ATG5: variants seen among roughly 807,000 people sequenced by gnomAD.
ATG5 encodes the protein autophagy related 5, also known as autophagy protein 5.
In ATG5, 14 loss-of-function variants were observed where a neutral mutation model predicts 36.5. That is an observed-to-expected ratio of 0.38 (90% confidence interval 0.25 to 0.60). The LOEUF is 0.60. Among genes scored for constraint, ATG5 ranks in the 20% least tolerant of loss-of-function variants. The pLI is 0.60. For missense variants in ATG5, 195 were observed against 326.7 expected, an observed-to-expected ratio of 0.60 and a Z score of 3.11; for synonymous variants, 95 against 101.5, an observed-to-expected ratio of 0.94 and a Z score of 0.38.
chr6:106,270,919 A>C (rs1246855421), intron 5 of ATG5, among the ~76,000 whole-genome samples: 1 of 152,046 alleles, frequency 6.6e-6, no homozygotes, highest in East Asian at 1.9e-4. Flanking sequence ...CTACCTCTAA[A>C]ATAAGCCCCA....
In ATG5 at chr6:106,272,582, C is replaced by T. The variant is rs533053720; in HGVS notation, c.478+7079G>A. Among the ~76,000 whole-genome samples the T allele has an allele frequency of 3.9e-5, 6 of 152,316 alleles. No homozygotes were observed. In the South Asian group the frequency reaches 1.2e-3, roughly 32 times the overall value. ...GCCCTTCCTCCTTCCTCTACAACTC[C>T]AGTTATAAATGTAACAATTACGTAA... is the stretch of plus-strand genomic sequence containing the variant. On this transcript the variant is annotated intron_variant, in intron 5 of 7. Transcript: ENST00000369076.
At chr6:106,187,220 A>G (rs1775811275) in intron 7 of ATG5, among the ~76,000 whole-genome samples, 3 of 152,210 alleles carry the variant, frequency 2.0e-5, no homozygotes, top group Admixed American at 2.0e-4. Context: ...TACTATTTGA[A>G]TAACAGTTAA....
chr6:106,302,420 CA>C (rs1156459144), intron 3 of ATG5, among the ~76,000 whole-genome samples: 1 of 151,810 alleles, frequency 6.6e-6, no homozygotes, highest in Non-Finnish European at 1.5e-5. Flanking sequence ...TTCTTGAGGA[CA>C]ATAACAATGT....
At chr6:106,218,366 C>T (rs1301509734) in intron 6 of ATG5, among the ~76,000 whole-genome samples, 3 of 152,122 alleles carry the variant, frequency 2.0e-5, no homozygotes, top group Non-Finnish European at 4.4e-5. Flanking sequence ...CCCCAGAAAT[C>T]ATAGTTAAAT....
chr6:106,245,664 T>G (rs1433702537), intron 6 of ATG5, among the ~76,000 whole-genome samples: 3 of 152,188 alleles, frequency 2.0e-5, no homozygotes, highest in Admixed American at 2.0e-4. Context: ...TCTATTAGGA[T>G]TCTGCAAAGT....
At chr6:106,266,824 A>G (rs1387663564) in intron 5 of ATG5, among the ~76,000 whole-genome samples, 1 of 152,238 alleles carries the variant, frequency 6.6e-6, no homozygotes, top group African/African-American at 2.4e-5. Context: ...AAAACTCTCA[A>G]TAAGCTAGGT....
chr6:106,311,163 T>C, intron 2 of ATG5, among the ~76,000 whole-genome samples: 1 of 152,186 alleles, frequency 6.6e-6, no homozygotes, highest in Non-Finnish European at 1.5e-5. Context: ...CATACTAGAA[T>C]TCTGTTCCAC....
intron 7 of ATG5, 84 bp from the exon 8 acceptor site, chr6:106,186,760 T>C (rs1394167368): frequency 6.9e-7 from 1 of 1,447,210 alleles, no homozygotes; most frequent in East Asian, 2.3e-5. Flanking sequence ...GAATCCTTAG[T>C]GCATTAAATG....
At chr6:106,203,190 T>G (rs535276213) in intron 6 of ATG5, among the ~76,000 whole-genome samples, 1 of 152,378 alleles carries the variant, frequency 6.6e-6, no homozygotes, top group Admixed American at 6.5e-5. Context: ...CAAAAACTGT[T>G]AGCAGCACTA....
intron 6 of ATG5, among the ~76,000 whole-genome samples, chr6:106,206,627 G>A (rs544390158): frequency 2.0e-5 from 3 of 147,504 alleles, no homozygotes; most frequent in Admixed American, 1.4e-4. Flanking sequence ...TCCAGCCTGG[G>A]CAACAAGAGG....
In ATG5 at chr6:106,186,160, A is replaced by G. The variant is rs533867426; in HGVS notation, c.*380T>C. The G allele has an allele frequency of 1.2e-5, 2 of 168,706 alleles. No individual in the cohort carries two copies. The highest frequency in any genetic ancestry group is 2.5e-5 in the Non-Finnish European group (2 of 78,864). 10.5% of individuals were successfully genotyped at this position (168,706 alleles called of 1,614,324 possible). ...ACCAATGTTTCCACTTTCATGAGCT[A>G]AAGTTCAACCATGGTCACCTTAGGA... is the stretch of plus-strand genomic sequence containing the variant. On this transcript the variant is annotated 3_prime_UTR_variant, in exon 8 of 8. Transcript: ENST00000369076.
intron 1 of ATG5, among the ~76,000 whole-genome samples, chr6:106,321,026 G>A (rs1315986270): frequency 6.6e-6 from 1 of 152,116 alleles, no homozygotes; most frequent in Non-Finnish European, 1.5e-5. Context: ...GAGGGATAAA[G>A]AACAAGGGCA....
At chr6:106,285,307 C>T (rs756082253) in intron 4 of ATG5, among the ~76,000 whole-genome samples, 1 of 151,960 alleles carries the variant, frequency 6.6e-6, no homozygotes, top group East Asian at 1.9e-4. Context: ...TTCATTTTTC[C>T]GGTAGTACCA....
At chr6:106,213,530 A>G (rs938846322) in intron 6 of ATG5, among the ~76,000 whole-genome samples, 6 of 152,220 alleles carry the variant, frequency 3.9e-5, no homozygotes, top group African/African-American at 7.2e-5. Flanking sequence ...CTTGAAATAC[A>G]TATTTTTTTT....
chr6:106,275,209 A>ACATC (rs1779594529), intron 5 of ATG5, among the ~76,000 whole-genome samples: 1 of 152,226 alleles, frequency 6.6e-6, no homozygotes, highest in Non-Finnish European at 1.5e-5. Flanking sequence ...AGAATAGAAA[A>ACATC]CATCCACCTT....
At chr6:106,235,339 CAATTGTAATG>C (rs1777855354) in intron 6 of ATG5, among the ~76,000 whole-genome samples, 1 of 152,214 alleles carries the variant, frequency 6.6e-6, no homozygotes, top group Non-Finnish European at 1.5e-5. Context: ...GCCCATGCTC[CAATTGTAATG>C]ATATCGAACG....
intron 7 of ATG5, among the ~76,000 whole-genome samples, chr6:106,187,076 ATT>A (rs772581334): frequency 7.9e-5 from 12 of 152,362 alleles, no homozygotes; most frequent in Non-Finnish European, 1.6e-4. Flanking sequence ...GTCCATACAT[ATT>A]TTGAAAATGT....
chr6:106,302,423 T>C (rs1770255413), intron 3 of ATG5, among the ~76,000 whole-genome samples: 1 of 151,986 alleles, frequency 6.6e-6, no homozygotes, highest in Admixed American at 6.6e-5. Context: ...TTGAGGACAA[T>C]AACAATGTTA....
chr6:106,279,554 A>G, intron 5 of ATG5, 107 bp downstream of exon 5: 1 of 1,044,450 alleles, frequency 9.6e-7, no homozygotes, highest in Admixed American at 3.3e-5. Context: ...AGAGGCTACA[A>G]TTTAAACTTG....
Sources: gnomAD v4.1 joint callset for allele counts (sites outside exome capture counted in the v4.1 genomes callset) on GRCh38, gnomAD v4.1.1 for gene constraint, MANE v1.5 for transcripts, NCBI Gene and HGNC (gene_info 2026-07-23, HGNC 2026-07-21) for gene names.